Variants in FGF14 observed in about 807,000 individuals in gnomAD.
FGF14 encodes the protein fibroblast growth factor homologous factor 4.
Under a neutral mutation model 25.5 loss-of-function variants are expected in FGF14, and 5 were observed. The observed-to-expected ratio is 0.20, with a 90% CI of 0.10 to 0.41. The LOEUF (loss-of-function observed/expected upper bound fraction) is 0.41. FGF14 is among the 10% of genes least tolerant of loss of function. The pLI is 1.00. For synonymous variants in FGF14, 138 were observed against 118.3 expected (o/e 1.17, Z -1.08); for missense variants, 222 against 320.1 (o/e 0.69, Z 2.34).
chr13:102,365,308 T>C (rs944194864), intron 1 of FGF14, among the ~76,000 whole-genome samples: 1 of 152,058 alleles, frequency 6.6e-6, no homozygotes, highest in African/African-American at 2.4e-5. Flanking sequence ...GGACAGCCAG[T>C]AGAGGAATCC....
chr13:101,925,517 G>A (rs1263248132), intron 1 of FGF14, among the ~76,000 whole-genome samples: 1 of 152,184 alleles, frequency 6.6e-6, no homozygotes, highest in Non-Finnish European at 1.5e-5. Flanking sequence ...TCAGGTTCTG[G>A]CAAAGTTGCT....
intron 1 of FGF14, among the ~76,000 whole-genome samples, chr13:102,140,051 C>A (rs947595238): frequency 1.4e-5 from 2 of 144,364 alleles, no homozygotes; most frequent in South Asian, 2.4e-4. Context: ...AGACCCCCCC[C>A]CCCCCTTACA....
At chr13:101,839,504 T>A (rs558013673) in intron 3 of FGF14, among the ~76,000 whole-genome samples, 157 of 152,126 alleles carry the variant, frequency 1.0e-3, no homozygotes, top group Non-Finnish European at 1.9e-3. Flanking sequence ...TAGGATAGCC[T>A]CAGAAAACAT....
At chr13:102,162,358 G>T (rs1273268214) in intron 1 of FGF14, among the ~76,000 whole-genome samples, 3 of 152,238 alleles carry the variant, frequency 2.0e-5, no homozygotes, top group Middle Eastern at 6.8e-3. Flanking sequence ...TGGCAAAAGC[G>T]GCCATGAGCT....
rs2037463435 is a variant in FGF14 at position 101,969,495 on chromosome 13, G to T, written c.209-94199C>A. 1.3e-5 allele frequency among the ~76,000 whole-genome samples: 2 copies of T among 152,150 alleles called. 1 individual carries two copies. Among genetic ancestry groups the T allele is most frequent in the South Asian group, 4.2e-4 (2 of 4,816 alleles). ...ACTCCTGCCTTTGAAGTTTCCTGAT[G>T]CCTTCTAAACATTATATTTCAATCT... On this transcript the variant is annotated intron_variant, in intron 1 of 4. Transcript: ENST00000376131.
chr13:101,989,306 T>C (rs1196868999), intron 1 of FGF14, among the ~76,000 whole-genome samples: 3 of 152,102 alleles, frequency 2.0e-5, no homozygotes, highest in Non-Finnish European at 4.4e-5. Context: ...TTCACAAATA[T>C]AATTTTAAGT....
At chr13:102,232,550 A>C (rs1216663882) in intron 1 of FGF14, among the ~76,000 whole-genome samples, 1 of 152,238 alleles carries the variant, frequency 6.6e-6, no homozygotes, top group Middle Eastern at 3.2e-3. Flanking sequence ...ACATATAGAA[A>C]TAAAACATAA....
intron 1 of FGF14, among the ~76,000 whole-genome samples, chr13:102,071,255 A>G (rs1016813797): frequency 6.6e-6 from 1 of 152,244 alleles, no homozygotes. Context: ...TCCAGATTGC[A>G]GGGCAGATTT....
At chr13:102,004,647 T>C (rs2039684722) in intron 1 of FGF14, among the ~76,000 whole-genome samples, 1 of 152,194 alleles carries the variant, frequency 6.6e-6, no homozygotes, top group South Asian at 2.1e-4. Context: ...CTGAGTTGCC[T>C]TTGGAGAAAC....
chr13:101,742,272 T>G (rs910176232), intron 3 of FGF14, among the ~76,000 whole-genome samples: 33 of 152,168 alleles, frequency 2.2e-4, no homozygotes, highest in African/African-American at 7.5e-4. Context: ...CCATGGCACA[T>G]GTATACCTAT....
At chr13:101,850,502 A>G (rs2043749107) in intron 3 of FGF14, among the ~76,000 whole-genome samples, 3 of 1,878 alleles carry the variant, frequency 1.6e-3, no homozygotes, top group South Asian at 0.036. Context: ...ATATATATAT[A>G]TATATATATA....
chr13:101,849,527 T>C (rs1047142372), intron 3 of FGF14, among the ~76,000 whole-genome samples: 1 of 152,102 alleles, frequency 6.6e-6, no homozygotes, highest in Non-Finnish European at 1.5e-5. Flanking sequence ...CGGATGTTTA[T>C]ACTTAGAATC....
chr13:102,153,076 C>T (rs901196810), intron 1 of FGF14, among the ~76,000 whole-genome samples: 8 of 152,126 alleles, frequency 5.3e-5, no homozygotes, highest in African/African-American at 1.9e-4. Context: ...AACCTGAATT[C>T]GCCTATAGAG....
chr13:102,062,447 T>A (rs1448775689), intron 1 of FGF14, among the ~76,000 whole-genome samples: 1 of 152,094 alleles, frequency 6.6e-6, no homozygotes, highest in Non-Finnish European at 1.5e-5. Flanking sequence ...AAGCTAACAG[T>A]TACTAAGTTG....
chr13:101,943,571 C>T (rs2035586702), intron 1 of FGF14, among the ~76,000 whole-genome samples: 1 of 152,122 alleles, frequency 6.6e-6, no homozygotes, highest in Non-Finnish European at 1.5e-5. Context: ...TTGAGAAAAG[C>T]TGCTGTAGAA....
intron 1 of FGF14, among the ~76,000 whole-genome samples, chr13:101,912,107 T>C (rs2033005107): frequency 6.6e-6 from 1 of 152,086 alleles, no homozygotes; most frequent in East Asian, 1.9e-4. Flanking sequence ...ACACTTTTCT[T>C]AGAATAACTG....
intron 1 of FGF14, among the ~76,000 whole-genome samples, chr13:102,300,584 C>T (rs1292467173): frequency 6.6e-6 from 1 of 152,090 alleles, no homozygotes; most frequent in African/African-American, 2.4e-5. Context: ...TAATCAGTTA[C>T]CAAAGTGTGC....
rs1555369405 is a variant in FGF14, at chr13:102,161,573, G to GAAGAAGA, written c.208+239897_208+239898insTCTTCTT. 2.4e-3 allele frequency among the ~76,000 whole-genome samples: 13 copies of GAAGAAGA among 5,506 alleles called. 3 individuals are homozygous for GAAGAAGA. The South Asian group carries it at 0.025, about 11-fold the overall frequency. 3.6% of individuals were successfully genotyped at this position (5,506 alleles called of 152,430 possible). A position where few individuals can be genotyped will look rare whatever the true frequency, so the allele number is the denominator to read the frequency against. ...ATGCAACCAACTTTCTGTGAAGAAAGAAAGAAGAAGAAGAAGAAGAAGAAG... is the reference window on the plus strand; with the variant it reads ...ATGCAACCAACTTTCTGTGAAGAAAGAAGAAGAAAAGAAGAAGAAGAAGAAGAAGAAG... On this transcript the variant is annotated intron_variant, in intron 1 of 4. Transcript: ENST00000376131.
At chr13:101,953,544 A>ATG (rs1301178275) in intron 1 of FGF14, among the ~76,000 whole-genome samples, 4 of 149,266 alleles carry the variant, frequency 2.7e-5, no homozygotes, top group Admixed American at 6.7e-5. Context: ...ACCTTTCTGT[A>ATG]TGTGTATATA....
Sources: gnomAD v4.1 joint callset for allele counts (sites outside exome capture counted in the v4.1 genomes callset) on GRCh38, gnomAD v4.1.1 for gene constraint, MANE v1.5 for transcripts, NCBI Gene and HGNC (gene_info 2026-07-23, HGNC 2026-07-21) for gene names.